Variants in MYT1L observed in about 807,000 individuals in gnomAD.
MYT1L encodes the protein myelin transcription factor 1-like protein.
A neutral mutation model predicts 126.7 loss-of-function variants in MYT1L; 12 were observed. The observed-to-expected ratio is 0.09, with a 90% confidence interval of 0.06 to 0.15. MYT1L has a LOEUF of 0.15. Ranked by LOEUF, MYT1L falls within the 10% of genes least tolerant of loss-of-function variation. The pLI, the probability that MYT1L is intolerant of heterozygous loss-of-function variation, is 1.00. For missense variants in MYT1L, 979 were observed against 1,585.2 expected, an observed-to-expected ratio of 0.62 and a Z score of 6.49; for synonymous variants, 541 against 604.2, an observed-to-expected ratio of 0.90 and a Z score of 1.53.
chr2:2,237,239 C>A (rs1327122740), intron 2 of MYT1L, among the ~76,000 whole-genome samples: 4 of 152,102 alleles, frequency 2.6e-5, no homozygotes, highest in Admixed American at 2.6e-4. Flanking sequence ...CTTCCCTTCC[C>A]ACCTCATTCC....
intron 2 of MYT1L, among the ~76,000 whole-genome samples, chr2:2,276,817 T>C (rs2095366788): frequency 6.6e-6 from 1 of 152,128 alleles, no homozygotes; most frequent in South Asian, 2.1e-4. Flanking sequence ...CCATATCAGA[T>C]GCTGGAGCCT....
intron 15 of MYT1L, 67 bp downstream of exon 15, chr2:1,891,970 G>T: frequency 2.8e-6 from 4 of 1,446,098 alleles, no homozygotes; most frequent in Non-Finnish European, 3.6e-6. Flanking sequence ...CGCGTGTCTC[G>T]GTGGCTGGGT....
intron 22 of MYT1L, among the ~76,000 whole-genome samples, chr2:1,805,693 C>T (rs1384707151): frequency 6.6e-6 from 1 of 152,136 alleles, no homozygotes; most frequent in Non-Finnish European, 1.5e-5. Flanking sequence ...TGAGAGCAGC[C>T]TGGGCAACAT....
rs1011514212 is a variant in MYT1L, at chr2:1,800,559, C to A, written c.3276+1137G>T. On this transcript the variant is annotated intron_variant, in intron 23 of 24. Coordinates refer to ENST00000647738, the MANE Select transcript of MYT1L (RefSeq NM_001303052.2). Reference sequence around the variant, plus strand: ...TCCCTTTCGGTTGCTTGGTGGGGCCCCAGCCCCAGAGGATGTCTCCATCCT... The same window carrying A: ...TCCCTTTCGGTTGCTTGGTGGGGCCACAGCCCCAGAGGATGTCTCCATCCT... Among the ~76,000 whole-genome samples the A allele has an allele frequency of 6.6e-5, 10 of 152,246 alleles. No homozygotes were observed. The South Asian group carries it at 1.5e-3, about 22-fold the overall frequency.
At chr2:2,027,843 T>C (rs188944263) in intron 4 of MYT1L, among the ~76,000 whole-genome samples, 19 of 152,268 alleles carry the variant, frequency 1.2e-4, no homozygotes, top group African/African-American at 3.9e-4. Flanking sequence ...AGAAAGGGTG[T>C]CAGTGGCCAA....
At chr2:2,075,756 AACT>A (rs2075148421) in intron 3 of MYT1L, among the ~76,000 whole-genome samples, 1 of 152,380 alleles carries the variant, frequency 6.6e-6, no homozygotes, top group Non-Finnish European at 1.5e-5. Context: ...CAATAAAATC[AACT>A]ACTTCAGAAT....
At chr2:1,947,828 G>T (rs1210769758) in intron 8 of MYT1L, among the ~76,000 whole-genome samples, 1 of 152,248 alleles carries the variant, frequency 6.6e-6, no homozygotes, top group African/African-American at 2.4e-5. Flanking sequence ...TCTGGTCTCT[G>T]CCAGGACAAT....
At chr2:2,301,966 G>A (rs1434351307) in intron 1 of MYT1L, among the ~76,000 whole-genome samples, 2 of 152,148 alleles carry the variant, frequency 1.3e-5, no homozygotes, top group African/African-American at 2.4e-5. Flanking sequence ...CACTAAGTTA[G>A]AGTTTGTTGA....
In MYT1L at chr2:2,004,767, C is replaced by CGTTCTTTCCTGCAGGT. The variant is rs1163159178; in HGVS notation, c.-157-7421_-157-7420insACCTGCAGGAAAGAAC. Among the ~76,000 whole-genome samples the CGTTCTTTCCTGCAGGT allele has an allele frequency of 9.0e-5, 7 of 77,884 alleles. 1 individual carries two copies. The highest frequency in any genetic ancestry group is 7.0e-4 in the African/African-American group (7 of 10,058). The allele number at this position is 77,884 out of a possible 152,430, so 51.1% of individuals were successfully genotyped here. ...TCCTGCAGGCGTTCTTTCCTGAATA[C>CGTTCTTTCCTGCAGGT]GTTCTTTCCTGCAGGCATTCTTTCC... On this transcript the variant is annotated intron_variant, in intron 4 of 24. Coordinates refer to ENST00000647738, the MANE Select transcript of MYT1L (RefSeq NM_001303052.2).
intron 3 of MYT1L, among the ~76,000 whole-genome samples, chr2:2,077,420 A>G (rs1216750622): frequency 6.6e-6 from 1 of 152,210 alleles, no homozygotes; most frequent in Non-Finnish European, 1.5e-5. Flanking sequence ...CAAAAGGCAA[A>G]GGCAAAAATT....
chr2:2,230,425 G>A (rs2094133542), intron 2 of MYT1L, among the ~76,000 whole-genome samples: 1 of 152,196 alleles, frequency 6.6e-6, no homozygotes, highest in African/African-American at 2.4e-5. Flanking sequence ...TGTTCCCTGT[G>A]AGTTTATTGA....
At chr2:1,871,298 G>T (rs2046259290) in intron 18 of MYT1L, among the ~76,000 whole-genome samples, 1 of 152,242 alleles carries the variant, frequency 6.6e-6, no homozygotes, top group South Asian at 2.1e-4. Flanking sequence ...TGCGCTGATG[G>T]AGGGGACTCT....
intron 4 of MYT1L, among the ~76,000 whole-genome samples, chr2:2,002,539 G>A (rs750169121): frequency 6.6e-5 from 10 of 152,336 alleles, no homozygotes; most frequent in Admixed American, 4.6e-4. Context: ...AGGATGGAAT[G>A]TATGAAGTGA....
intron 1 of MYT1L, chr2:2,324,051 C>G (rs944548032): frequency 2.6e-5 from 4 of 152,182 alleles, no homozygotes; most frequent in Non-Finnish European, 5.9e-5. Context: ...CAAGCCGCTA[C>G]CCCAAACCGG....
At chr2:1,957,859 A>G (rs924295632) in intron 8 of MYT1L, among the ~76,000 whole-genome samples, 2 of 152,266 alleles carry the variant, frequency 1.3e-5, no homozygotes, top group African/African-American at 4.8e-5. Flanking sequence ...ATAGGTCCTC[A>G]GTGTGTTATT....
At chr2:2,328,646 A>T (rs2096266361) in intron 1 of MYT1L, among the ~76,000 whole-genome samples, 1 of 152,240 alleles carries the variant, frequency 6.6e-6, no homozygotes, top group Non-Finnish European at 1.5e-5. Context: ...CCTTACTGTG[A>T]CACCAGATAG....
chr2:2,044,025 C>A (rs1015896376), intron 4 of MYT1L, among the ~76,000 whole-genome samples: 3 of 152,004 alleles, frequency 2.0e-5, no homozygotes, highest in South Asian at 2.1e-4. Flanking sequence ...AGGTACTTTT[C>A]TTTCATTTTT....
Position 2,159,944 on chromosome 2 carries a change from C to T in MYT1L, c.-304+12928G>A, listed in dbSNP as rs139797602. Among the ~76,000 whole-genome samples the T allele has an allele frequency of 4.0e-3, 610 of 152,230 alleles. 2 individuals are homozygous for T. The highest frequency in any genetic ancestry group is 0.014 in the African/African-American group (590 of 41,546). On this transcript the variant is annotated intron_variant, in intron 3 of 24. Coordinates refer to ENST00000647738, the MANE Select transcript of MYT1L (RefSeq NM_001303052.2). ...AAAGTGCTCAGGTGCTGGGCAGGAGCTCCAGGCTGGACACCCTGCGATAGC... is the reference window on the plus strand; with the variant it reads ...AAAGTGCTCAGGTGCTGGGCAGGAGTTCCAGGCTGGACACCCTGCGATAGC...
At chr2:2,271,551 G>A (rs2095263500) in intron 2 of MYT1L, among the ~76,000 whole-genome samples, 1 of 152,238 alleles carries the variant, frequency 6.6e-6, no homozygotes, top group African/African-American at 2.4e-5. Context: ...CCAAGGCGCT[G>A]AGGTCATCTG....
Sources: allele counts gnomAD v4.1 joint callset (sites outside exome capture counted in the v4.1 genomes callset), GRCh38; gene constraint gnomAD v4.1.1; transcripts MANE v1.5; gene names NCBI Gene and HGNC (gene_info 2026-07-23, HGNC 2026-07-21).